DCUN1D4: variants seen among roughly 807,000 people sequenced by gnomAD.
The protein encoded by DCUN1D4 is DCN1-like protein 4.
Under a neutral mutation model 47.9 loss-of-function variants are expected in DCUN1D4, and 22 were observed. The observed-to-expected ratio is 0.46, with a 90% CI of 0.33 to 0.66. The LOEUF is 0.66. DCUN1D4 is among the 30% of genes least tolerant of loss of function. DCUN1D4 has a pLI of 0.02. For synonymous variants in DCUN1D4, 121 were observed against 112.2 expected (o/e 1.08, Z -0.50); for missense variants, 301 against 340.8 (o/e 0.88, Z 0.92).
the DCUN1D4 span, among the ~76,000 whole-genome samples, chr4:51,837,744 G>C: frequency 1.5e-4 from 22 of 148,244 alleles, no homozygotes; most frequent in African/African-American, 5.0e-4. Context: ...ATATCCAGGA[G>C]AGGCAAAAAA....
the DCUN1D4 span, among the ~76,000 whole-genome samples, chr4:51,837,654 C>CAAAAAAAAA: frequency 3.5e-4 from 16 of 46,190 alleles, no homozygotes; most frequent in African/African-American, 7.5e-4. Context: ...GACTCCGTCT[C>CAAAAAAAAA]AAAAAAAAAA....
intron 5 of DCUN1D4, among the ~76,000 whole-genome samples, chr4:51,884,175 G>T (rs1729108072): frequency 6.6e-6 from 1 of 152,068 alleles, no homozygotes; most frequent in African/African-American, 2.4e-5. Context: ...TATTTGCTTT[G>T]GCCAGATTAT....
intron 1 of DCUN1D4, among the ~76,000 whole-genome samples, chr4:51,857,664 C>T (rs1187673701): frequency 6.6e-6 from 1 of 152,150 alleles, no homozygotes; most frequent in Non-Finnish European, 1.5e-5. Context: ...TTTGCATGGT[C>T]TCTGGTGCCT....
At chr4:51,843,093 C>G, upstream of DCUN1D4, 1 of 1,421,172 alleles carries the variant, frequency 7.0e-7, no homozygotes, top group Non-Finnish European at 9.2e-7. Context: ...CCCTGAGCCG[C>G]GGTTTAGCCA....
chr4:51,877,273 G>C (rs1727857941), intron 4 of DCUN1D4, among the ~76,000 whole-genome samples: 1 of 152,078 alleles, frequency 6.6e-6, no homozygotes, highest in South Asian at 2.1e-4. Flanking sequence ...CCGGAAGCTT[G>C]GACATGATTT....
upstream of DCUN1D4, chr4:51,842,910 G>C (rs1321891680): frequency 4.0e-6 from 2 of 498,198 alleles, no homozygotes; most frequent in Non-Finnish European, 6.1e-6. Flanking sequence ...GGGGGTGACT[G>C]ACAGCAGCCG....
chr4:51,909,140 TC>T (rs1733330804), intron 8 of DCUN1D4, among the ~76,000 whole-genome samples: 1 of 152,232 alleles, frequency 6.6e-6, no homozygotes, highest in South Asian at 2.1e-4. Context: ...ATCTTTTTTT[TC>T]TTTTTTGTCA....
chr4:51,847,772 G>C (rs2109802392), intron 1 of DCUN1D4, among the ~76,000 whole-genome samples: 1 of 152,144 alleles, frequency 6.6e-6, no homozygotes, highest in Middle Eastern at 3.4e-3. Context: ...CCTCAGTGCT[G>C]CTGTTTTAGA....
chr4:51,897,747 T>C (rs1456704570), intron 7 of DCUN1D4, among the ~76,000 whole-genome samples: 1 of 152,202 alleles, frequency 6.6e-6, no homozygotes, highest in Non-Finnish European at 1.5e-5. Flanking sequence ...AAGGAAATGC[T>C]CAGAGACTTG....
chr4:51,886,694 C>A (rs1729529163), intron 6 of DCUN1D4, 56 bp downstream of exon 6: 7 of 1,360,770 alleles, frequency 5.1e-6, no homozygotes, highest in Non-Finnish European at 7.3e-6. Context: ...ATACTTAAAT[C>A]TTTGTTCTTT....
chr4:51,846,652 A>G (rs947417466), intron 1 of DCUN1D4, among the ~76,000 whole-genome samples: 4 of 152,218 alleles, frequency 2.6e-5, no homozygotes, highest in African/African-American at 9.6e-5. Context: ...AACTGACCTC[A>G]TGATGATCTC....
intron 7 of DCUN1D4, among the ~76,000 whole-genome samples, chr4:51,897,558 G>A (rs1027897342): frequency 1.3e-5 from 2 of 151,572 alleles, no homozygotes; most frequent in African/African-American, 2.4e-5. Context: ...GCTAGATATT[G>A]CAAACAAAAT....
intron 3 of DCUN1D4, among the ~76,000 whole-genome samples, chr4:51,868,328 C>G (rs970519880): frequency 6.6e-6 from 1 of 152,210 alleles, no homozygotes; most frequent in Non-Finnish European, 1.5e-5. Context: ...TGTGCAGCCC[C>G]TGCTGCTCCT....
upstream of DCUN1D4, among the ~76,000 whole-genome samples, chr4:51,841,106 G>A (rs1380218138): frequency 6.6e-6 from 1 of 152,144 alleles, no homozygotes; most frequent in Non-Finnish European, 1.5e-5. Context: ...AAAGTATGCT[G>A]CAAATAAATT....
At chr4:51,891,508 C>T (rs1202473652) in intron 6 of DCUN1D4, among the ~76,000 whole-genome samples, 2 of 152,186 alleles carry the variant, frequency 1.3e-5, no homozygotes, top group Admixed American at 1.3e-4. Context: ...TCACCTTACA[C>T]CTCCACTATC....
At chr4:51,886,781 A>G in intron 6 of DCUN1D4, 143 bp downstream of exon 6, 2 of 667,058 alleles carry the variant, frequency 3.0e-6, no homozygotes, top group Non-Finnish European at 5.2e-6. Flanking sequence ...TTCTAATTCT[A>G]GTTTGACTTA....
At chr4:51,860,501 T>C (rs1207426808) in intron 1 of DCUN1D4, 1 of 445,120 alleles carries the variant, frequency 2.2e-6, no homozygotes, top group Non-Finnish European at 4.5e-6. Context: ...GACTGGGTAA[T>C]TTATAAAAGA....
chr4:51,863,781 G>A lies in DCUN1D4; in HGVS notation c.136+72G>A, dbSNP rs528533188. 7.4e-5 allele frequency: 108 copies of A among 1,454,632 alleles called. 1 individual carries two copies. In the East Asian group the frequency reaches 1.9e-3, roughly 26 times the overall value. The allele number at this position is 1,454,632 out of a possible 1,614,324, so 90.1% of individuals were successfully genotyped here. ...ATTAGGAAAGAGAAATACTAGCTAT[G>A]AATGCGCTATGTTGTCATAATGTAC... On this transcript the variant is annotated intron_variant, in intron 3 of 10. Transcript: ENST00000334635.
Position 51,849,378 on chromosome 4 carries a change from ACTGT to A in DCUN1D4, c.25+6114_25+6117del, listed in dbSNP as rs535817058. Among the ~76,000 whole-genome samples, 322 of 152,262 alleles carry A rather than the reference ACTGT, an allele frequency of 2.1e-3. 1 individual carries two copies. Among genetic ancestry groups the A allele is most frequent in the South Asian group, 7.3e-3 (35 of 4,822 alleles). On this transcript the variant is annotated intron_variant, in intron 1 of 10. Transcript: ENST00000334635. ...TTATGGCCAGGGGGAGATTCTGTGA[ACTGT>A]CTAATAGCCGCCTCCCCTTTTTTTA... is the stretch of plus-strand genomic sequence containing the variant.
Sources: allele counts gnomAD v4.1 joint callset (sites outside exome capture counted in the v4.1 genomes callset), GRCh38; gene constraint gnomAD v4.1.1; transcripts MANE v1.5; gene names NCBI Gene and HGNC (gene_info 2026-07-23, HGNC 2026-07-21).